Variants in KRABD1 observed in about 807,000 individuals in gnomAD.
KRABD1 encodes KRAB domain-containing protein 1.
chr3:42,942,616 G>A, the KRABD1 span: 106 of 1,423,758 alleles, frequency 7.4e-5, 4 homozygotes, highest in Middle Eastern at 5.4e-3. Flanking sequence ...TTTCGAAATC[G>A]TCAATGCTGG....
the KRABD1 span, chr3:42,938,450 ACT>A: frequency 6.5e-6 from 1 of 154,400 alleles, no homozygotes; most frequent in East Asian, 1.9e-4. Context: ...CTTTTATATA[ACT>A]CATTCCTATC....
At chr3:42,940,996 C>T in the KRABD1 span, among the ~76,000 whole-genome samples, 352 of 152,278 alleles carry the variant, frequency 2.3e-3, 3 homozygotes, top group African/African-American at 7.9e-3. Flanking sequence ...AAGCTCATAG[C>T]GGAGGTGTAC....
the KRABD1 span, among the ~76,000 whole-genome samples, chr3:42,939,434 T>C: frequency 6.6e-6 from 1 of 152,212 alleles, no homozygotes; most frequent in Non-Finnish European, 1.5e-5. Context: ...TAGTTTTTCA[T>C]TTTGTGATAA....
the KRABD1 span, chr3:42,938,945 T>C: frequency 6.5e-7 from 1 of 1,530,002 alleles, no homozygotes; most frequent in South Asian, 1.2e-5. Flanking sequence ...AGCTGTTTTT[T>C]TCTATCTCTG....
At chr3:42,938,996 A>G in the KRABD1 span, 1 of 1,197,812 alleles carries the variant, frequency 8.3e-7, no homozygotes, top group Non-Finnish European at 1.2e-6. Flanking sequence ...TTTATTAGAT[A>G]CATACATAAA....
At chr3:42,941,847 A>C in the KRABD1 span, 1 of 685,170 alleles carries the variant, frequency 1.5e-6, no homozygotes, top group Non-Finnish European at 2.6e-6. Flanking sequence ...CGTATAGCTC[A>C]CCCGGGAATT....
At chr3:42,938,922 C>T in the KRABD1 span, 1 of 1,531,866 alleles carries the variant, frequency 6.5e-7, no homozygotes, top group Non-Finnish European at 8.7e-7. Context: ...CCTTAACAAC[C>T]AGGCCCCAGG....
chr3:42,939,917 T>G, the KRABD1 span, among the ~76,000 whole-genome samples: 5 of 152,188 alleles, frequency 3.3e-5, no homozygotes. Flanking sequence ...TGTAAGTCCT[T>G]TGTCAGACAT....
At chr3:42,940,359 A>T in the KRABD1 span, among the ~76,000 whole-genome samples, 1 of 152,236 alleles carries the variant, frequency 6.6e-6, no homozygotes, top group African/African-American at 2.4e-5. Context: ...GTATTCCATG[A>T]CACTCACTGT....
the KRABD1 span, among the ~76,000 whole-genome samples, chr3:42,942,231 C>T: frequency 6.6e-6 from 1 of 152,224 alleles, no homozygotes; most frequent in African/African-American, 2.4e-5. Flanking sequence ...GCTTCCCATC[C>T]CTTTAAAGCG....
At chr3:42,942,653 G>C in the KRABD1 span, 1 of 1,164,884 alleles carries the variant, frequency 8.6e-7, no homozygotes. Flanking sequence ...CTTAATTCTT[G>C]ACATTTAAAT....
At chr3:42,940,042 A>G in the KRABD1 span, among the ~76,000 whole-genome samples, 1 of 152,284 alleles carries the variant, frequency 6.6e-6, no homozygotes, top group African/African-American at 2.4e-5. Context: ...TTTGTTTTGT[A>G]TAAGAAATCT....
the KRABD1 span, chr3:42,942,146 T>C: frequency 9.9e-7 from 1 of 1,010,540 alleles, no homozygotes; most frequent in African/African-American, 1.6e-5. Context: ...GAAAGGTGTG[T>C]GTTCTCTGTG....
At chr3:42,938,833 T>A in the KRABD1 span, 1 of 1,244,646 alleles carries the variant, frequency 8.0e-7, no homozygotes, top group South Asian at 1.3e-5. Context: ...GTTAATGTTT[T>A]TTTTCTTTAC....
the KRABD1 span, chr3:42,941,224 A>G: frequency 1.3e-6 from 2 of 1,553,416 alleles, no homozygotes; most frequent in Non-Finnish European, 8.7e-7. Flanking sequence ...TTGTCGTTTC[A>G]GGAATCAGTG....
the KRABD1 span, among the ~76,000 whole-genome samples, chr3:42,940,654 G>C: frequency 6.6e-6 from 1 of 152,180 alleles, no homozygotes; most frequent in Non-Finnish European, 1.5e-5. Context: ...CAAGTAAGCA[G>C]TATTTTCCTG....
chr3:42,936,402 G>A, the KRABD1 span: 1 of 152,220 alleles, frequency 6.6e-6, no homozygotes, highest in Non-Finnish European at 1.5e-5. Context: ...ATCGGCGAGT[G>A]GCGCCCACCA....
the KRABD1 span, chr3:42,938,074 TC>T: frequency 6.6e-6 from 1 of 152,228 alleles, no homozygotes; most frequent in East Asian, 1.9e-4. Flanking sequence ...AAGACTTACT[TC>T]CTAATGATGA....
the KRABD1 span, chr3:42,942,592 T>G: frequency 1.4e-6 from 2 of 1,452,406 alleles, no homozygotes; most frequent in South Asian, 1.4e-5. Context: ...TTACGTAGAA[T>G]AGTATCAAAA....
Sources: allele counts gnomAD v4.1 joint callset (sites outside exome capture counted in the v4.1 genomes callset), GRCh38; gene constraint gnomAD v4.1.1; transcripts MANE v1.5; gene names NCBI Gene and HGNC (gene_info 2026-07-23, HGNC 2026-07-21).